PDE3A: variants seen among roughly 807,000 people sequenced by gnomAD.
PDE3A encodes the protein cGMP-inhibited 3',5'-cyclic phosphodiesterase 3A.
A neutral mutation model predicts 98.3 loss-of-function variants in PDE3A; 43 were observed. That is an observed-to-expected ratio of 0.44 (90% CI 0.34 to 0.56). The LOEUF (loss-of-function observed/expected upper bound fraction) is 0.56. PDE3A is among the 20% of genes least tolerant of loss of function. The pLI, the probability that PDE3A is intolerant of heterozygous loss-of-function variation, is 0.01. For synonymous variants in PDE3A, 663 were observed against 567.9 expected (o/e 1.17, Z -2.38); for missense variants, 1,427 against 1,440.7 (o/e 0.99, Z 0.15).
Position 20,685,290 on chromosome 12 carries a change from T to TAATCCCAGC in PDE3A, c.*5020_*5028dup, listed in dbSNP as rs1945926198. On this transcript the variant is annotated 3_prime_UTR_variant, in exon 16 of 16. Coordinates refer to ENST00000359062, the MANE Select transcript of PDE3A (RefSeq NM_000921.5). ...ATTCAGGTGTGGTGGCGCATGTCTG[T>TAATCCCAGC]AATCCCAGCTACCCAGGAGGCTGAG... Among the ~76,000 whole-genome samples the TAATCCCAGC allele has an allele frequency of 6.6e-6, 1 of 150,858 alleles. No individual in the cohort carries two copies. The highest frequency in any genetic ancestry group is 6.7e-5 in the Admixed American group (1 of 15,018).
chr12:20,567,745 C>T (rs12369747), intron 2 of PDE3A, among the ~76,000 whole-genome samples: 26,791 of 151,764 alleles, frequency 0.18, 2,828 homozygotes, highest in South Asian at 0.31. Flanking sequence ...AAGCTTATGA[C>T]ACATGATATG....
chr12:20,613,405 C>T (rs774732572), intron 2 of PDE3A, 38 bp from the exon 3 acceptor site: 1 of 1,606,450 alleles, frequency 6.2e-7, no homozygotes, highest in Non-Finnish European at 8.5e-7. Flanking sequence ...CAGATTCAGG[C>T]CTTTTCTTGC....
intron 1 of PDE3A, among the ~76,000 whole-genome samples, chr12:20,478,674 C>G (rs192825851): frequency 1.7e-4 from 26 of 152,188 alleles, no homozygotes; most frequent in Admixed American, 1.6e-3. Flanking sequence ...TTTCGTCCAC[C>G]TGTTTTGAAA....
At chr12:20,591,299 A>G (rs1347925880) in intron 2 of PDE3A, among the ~76,000 whole-genome samples, 2 of 152,268 alleles carry the variant, frequency 1.3e-5, no homozygotes, top group Non-Finnish European at 2.9e-5. Flanking sequence ...TATACAGCCA[A>G]TGTACATACT....
rs899097076 is a variant in PDE3A at position 20,552,487 on chromosome 12, C to T, written c.961-4173C>T. 36 of 1,612,550 alleles carry T rather than the reference C, an allele frequency of 2.2e-5. No homozygotes were observed. Among genetic ancestry groups the T allele is most frequent in the Admixed American group, 3.3e-5 (2 of 59,844 alleles). Reference sequence around the variant, plus strand: ...CCTGGAAGCCCTGGCCAACCGAGAGCGAGAGAAGGAGAACAGCAAGAGGGA... The same window carrying T: ...CCTGGAAGCCCTGGCCAACCGAGAGTGAGAGAAGGAGAACAGCAAGAGGGA... On this transcript the variant is annotated intron_variant, in intron 1 of 15. Coordinates refer to ENST00000359062, the MANE Select transcript of PDE3A (RefSeq NM_000921.5). This position sits in a 1 kb window ranked among gnomAD's most constrained non-coding sequence, Gnocchi z 5.1.
At chr12:20,588,946 G>A (rs556914229) in intron 2 of PDE3A, among the ~76,000 whole-genome samples, 102 of 152,150 alleles carry the variant, frequency 6.7e-4, no homozygotes, top group Admixed American at 1.2e-3. Flanking sequence ...TTTTTGAGAC[G>A]GGGTCTCGCT....
chr12:20,462,919 A>T (rs983078251), intron 1 of PDE3A, among the ~76,000 whole-genome samples: 3 of 151,888 alleles, frequency 2.0e-5, no homozygotes, highest in African/African-American at 7.3e-5. Context: ...CCTCCTGAGT[A>T]TACCACCATG....
At chr12:20,468,263 T>A (rs912940869) in intron 1 of PDE3A, among the ~76,000 whole-genome samples, 1 of 152,196 alleles carries the variant, frequency 6.6e-6, no homozygotes, top group Admixed American at 6.5e-5. Context: ...ATTTTGCATG[T>A]TATACATTTT....
At chr12:20,441,380 T>A (rs1944868217) in intron 1 of PDE3A, among the ~76,000 whole-genome samples, 1 of 152,098 alleles carries the variant, frequency 6.6e-6, no homozygotes, top group South Asian at 2.1e-4. Context: ...GGCAACATCA[T>A]TAGTAGCAGA....
intron 1 of PDE3A, among the ~76,000 whole-genome samples, chr12:20,555,872 C>T (rs1942357095): frequency 6.6e-6 from 1 of 152,122 alleles, no homozygotes; most frequent in Non-Finnish European, 1.5e-5. Flanking sequence ...TGCTGCTATA[C>T]AGAAAAGCTA....
intron 1 of PDE3A, among the ~76,000 whole-genome samples, chr12:20,395,592 T>C (rs146213564): frequency 0.026 from 3,804 of 147,368 alleles, 148 homozygotes; most frequent in African/African-American, 0.089. Context: ...ATATGTATAC[T>C]ATGTATACAC....
chr12:20,573,539 A>T (rs891605705), intron 2 of PDE3A, among the ~76,000 whole-genome samples: 5 of 152,098 alleles, frequency 3.3e-5, no homozygotes, highest in African/African-American at 1.2e-4. Context: ...AAGATGCAAG[A>T]CTGTTTTCAA....
At chr12:20,468,706 G>A (rs1945385982) in intron 1 of PDE3A, among the ~76,000 whole-genome samples, 1 of 152,080 alleles carries the variant, frequency 6.6e-6, no homozygotes, top group Non-Finnish European at 1.5e-5. Flanking sequence ...CCTAACTTCT[G>A]TTGAGAGAAA....
chr12:20,629,154 A>T (rs1944325431), intron 5 of PDE3A, among the ~76,000 whole-genome samples: 2 of 152,166 alleles, frequency 1.3e-5, no homozygotes, highest in African/African-American at 4.8e-5. Context: ...ACTTCAAAAG[A>T]CATCGTCCTG....
chr12:20,451,540 C>T (rs911547555), intron 1 of PDE3A, among the ~76,000 whole-genome samples: 1 of 152,192 alleles, frequency 6.6e-6, no homozygotes, highest in African/African-American at 2.4e-5. Flanking sequence ...TTCCAGGTCT[C>T]AAGTGATCTG....
At chr12:20,610,161 T>C (rs1473023474) in intron 2 of PDE3A, among the ~76,000 whole-genome samples, 1 of 151,956 alleles carries the variant, frequency 6.6e-6, no homozygotes, top group African/African-American at 2.4e-5. Flanking sequence ...TGATAAGGAA[T>C]TAATATCCAA....
In PDE3A at chr12:20,680,417, A is replaced by G. The variant is rs1395202109; in HGVS notation, c.*146A>G. 25 of 838,202 alleles carry G rather than the reference A, an allele frequency of 3.0e-5. No individual in the cohort carries two copies. Among genetic ancestry groups the G allele is most frequent in the East Asian group, 2.6e-5 (1 of 38,306 alleles). The allele number at this position is 838,202 out of a possible 1,614,324, so 51.9% of individuals were successfully genotyped here. ...TTGGGATTCTTCGCATTTTGTGTGT[A>G]TATTTTTACAGTGAGGTACATTGTT... On this transcript the variant is annotated 3_prime_UTR_variant, in exon 16 of 16. Transcript: ENST00000359062.
chr12:20,591,750 A>G (rs895509518), intron 2 of PDE3A, among the ~76,000 whole-genome samples: 2 of 152,226 alleles, frequency 1.3e-5, no homozygotes, highest in Non-Finnish European at 2.9e-5. Flanking sequence ...TAGGCATTTT[A>G]ACTTATCTCA....
At chr12:20,655,670 T>C (rs1482451013) in intron 15 of PDE3A, among the ~76,000 whole-genome samples, 1 of 152,202 alleles carries the variant, frequency 6.6e-6, no homozygotes, top group Admixed American at 6.5e-5. Context: ...ACTCTGTAGG[T>C]CACGGTAAGT....
Sources: allele counts gnomAD v4.1 joint callset (sites outside exome capture counted in the v4.1 genomes callset), GRCh38; gene constraint gnomAD v4.1.1; non-coding constraint Gnocchi (gnomAD v3.1); transcripts MANE v1.5; gene names NCBI Gene and HGNC (gene_info 2026-07-23, HGNC 2026-07-21).